Variants in FGD4 observed in about 807,000 individuals in gnomAD.
The protein encoded by FGD4 is FYVE, RhoGEF and PH domain-containing protein 4.
FGD4 carries 42 observed loss-of-function variants against 102.0 expected under a neutral mutation model. That is an observed-to-expected ratio of 0.41 (90% CI 0.32 to 0.53). FGD4 has a LOEUF of 0.53. Ranked by LOEUF, FGD4 falls within the 20% of genes least tolerant of loss-of-function variation. The probability of loss-of-function intolerance (pLI) is 0.21; values close to 1 mark genes in which losing one functional copy is unlikely to be tolerated. For missense variants in FGD4, 902 were observed against 1,078.2 expected (o/e 0.84, Z 2.29); for synonymous variants, 380 against 375.7 (o/e 1.01, Z -0.13).
At chr12:32,404,466 C>A (rs75533867) in intron 1 of FGD4, among the ~76,000 whole-genome samples, 9,524 of 151,902 alleles carry the variant, frequency 0.063, 426 homozygotes, top group Middle Eastern at 0.14. Flanking sequence ...TATAACAACC[C>A]TGAAAAAATA....
intron 1 of FGD4, among the ~76,000 whole-genome samples, chr12:32,413,379 G>C (rs1249991929): frequency 2.6e-5 from 4 of 152,142 alleles, no homozygotes; most frequent in Admixed American, 2.6e-4. Flanking sequence ...ACATTTACGT[G>C]CTGTGTAAAT....
intron 1 of FGD4, among the ~76,000 whole-genome samples, chr12:32,404,648 A>G (rs533197885): frequency 3.7e-4 from 57 of 152,174 alleles, no homozygotes; most frequent in Non-Finnish European, 6.3e-4. Context: ...GAGTGGCCCA[A>G]CGTAAAGCAA....
chr12:32,636,943 T>C (rs1307647050), intron 15 of FGD4, among the ~76,000 whole-genome samples: 3 of 150,460 alleles, frequency 2.0e-5, no homozygotes, highest in Non-Finnish European at 4.4e-5. Flanking sequence ...CGATCTCAGC[T>C]CACTGCAATC....
In FGD4 at chr12:32,633,697, A is replaced by T; in HGVS notation, c.2313+8A>T. ...AGAAAAGGAATTTTAGAGGTAAGAAATATTAAATATTGGATATCTTTTAGA... is the reference window on the plus strand; with the variant it reads ...AGAAAAGGAATTTTAGAGGTAAGAATTATTAAATATTGGATATCTTTTAGA... On this transcript the variant is annotated splice_region_variant and intron_variant, in intron 15 of 16. Coordinates refer to ENST00000534526, the MANE Select transcript of FGD4 (RefSeq NM_001370298.3). The T allele has an allele frequency of 1.3e-6, 2 of 1,581,240 alleles. No individual in the cohort carries two copies. The highest frequency in any genetic ancestry group is 1.3e-5 in the African/African-American group (1 of 74,384).
intron 1 of FGD4, among the ~76,000 whole-genome samples, chr12:32,512,680 G>A (rs1015301810): frequency 6.6e-6 from 1 of 152,148 alleles, no homozygotes; most frequent in African/African-American, 2.4e-5. Flanking sequence ...AGAGTTGATT[G>A]GAGACAGGCT....
At chr12:32,471,474 A>C (rs2136519447) in intron 1 of FGD4, among the ~76,000 whole-genome samples, 1 of 152,350 alleles carries the variant, frequency 6.6e-6, no homozygotes, top group Admixed American at 6.5e-5. Context: ...TGAATTGATC[A>C]TAGGTATAAT....
chr12:32,596,363 G>A (rs1360486927), intron 4 of FGD4, among the ~76,000 whole-genome samples: 1 of 152,138 alleles, frequency 6.6e-6, no homozygotes, highest in Non-Finnish European at 1.5e-5. Context: ...AAAGAAGAAA[G>A]GTTTAGAGAT....
At position 32,553,855 on chromosome 12, in the gene FGD4, G is replaced by A. The variant is rs182651643; in HGVS notation, c.167-10282G>A. ...CATGGTGGCTTATGCCTGTAATTCC[G>A]TAACTTTGGGAGGCTGAGGCAGGAG... On this transcript the variant is annotated intron_variant, in intron 1 of 16. Transcript: ENST00000534526. Among the ~76,000 whole-genome samples, 597 of 152,238 alleles carry A rather than the reference G, an allele frequency of 3.9e-3. 7 individuals are homozygous for A. The highest frequency in any genetic ancestry group is 0.014 in the African/African-American group (565 of 41,544).
intron 1 of FGD4, among the ~76,000 whole-genome samples, chr12:32,403,692 G>A (rs1940790585): frequency 1.4e-5 from 2 of 146,312 alleles, no homozygotes; most frequent in South Asian, 4.3e-4. Flanking sequence ...CGCCATCTGG[G>A]CTGAAGTGAT....
At chr12:32,504,940 A>G (rs1384633875) in intron 1 of FGD4, among the ~76,000 whole-genome samples, 1 of 152,172 alleles carries the variant, frequency 6.6e-6, no homozygotes, top group Admixed American at 6.5e-5. Flanking sequence ...TTTTCATACT[A>G]TGTTTTGTGG....
intron 1 of FGD4, among the ~76,000 whole-genome samples, chr12:32,464,171 G>A (rs1193113218): frequency 6.6e-6 from 1 of 151,968 alleles, no homozygotes; most frequent in East Asian, 1.9e-4. Flanking sequence ...TTGTTTGTTT[G>A]AGACAGAATC....
intron 1 of FGD4, among the ~76,000 whole-genome samples, chr12:32,448,333 A>G (rs1459523470): frequency 1.3e-5 from 2 of 152,122 alleles, no homozygotes; most frequent in African/African-American, 4.8e-5. Context: ...TGTCTGAGCA[A>G]ATGGAGCAGA....
At chr12:32,408,317 T>C (rs1373895241) in intron 1 of FGD4, among the ~76,000 whole-genome samples, 1 of 152,042 alleles carries the variant, frequency 6.6e-6, no homozygotes, top group Non-Finnish European at 1.5e-5. Flanking sequence ...TACAGGCATG[T>C]GCCACCATAC....
At chr12:32,602,616 G>A (rs1048312667) in intron 7 of FGD4, among the ~76,000 whole-genome samples, 2 of 152,202 alleles carry the variant, frequency 1.3e-5, no homozygotes, top group Non-Finnish European at 1.5e-5. Flanking sequence ...CATTCTTTCA[G>A]AGGTTAAGTT....
chr12:32,491,706 A>G (rs1484252454), intron 1 of FGD4, among the ~76,000 whole-genome samples: 1 of 152,188 alleles, frequency 6.6e-6, no homozygotes, highest in African/African-American at 2.4e-5. Context: ...CATCATGAAC[A>G]TTGTGGGCTA....
intron 1 of FGD4, among the ~76,000 whole-genome samples, chr12:32,498,207 G>A (rs1268651637): frequency 6.6e-6 from 1 of 152,220 alleles, no homozygotes; most frequent in Admixed American, 6.5e-5. Flanking sequence ...CCAACTCACA[G>A]GGGTGCTGTC....
chr12:32,437,241 A>T (rs1272375187), intron 1 of FGD4, among the ~76,000 whole-genome samples: 1 of 152,210 alleles, frequency 6.6e-6, no homozygotes, highest in African/African-American at 2.4e-5. Flanking sequence ...TACAAAACAT[A>T]GGATGACTTC....
At chr12:32,486,869 T>G (rs1943918718) in intron 1 of FGD4, among the ~76,000 whole-genome samples, 1 of 152,138 alleles carries the variant, frequency 6.6e-6, no homozygotes, top group Admixed American at 6.5e-5. Flanking sequence ...TTTTGTTCAG[T>G]AGGAAGGAGA....
At chr12:32,587,185 CTCAAAAAAA>C (rs1947114534) in intron 4 of FGD4, among the ~76,000 whole-genome samples, 1 of 93,284 alleles carries the variant, frequency 1.1e-5, no homozygotes, top group African/African-American at 5.6e-5. Context: ...GTGAGACTCT[CTCAAAAAAA>C]AAAAAAAAAA....
Sources: gnomAD v4.1 joint callset for allele counts (sites outside exome capture counted in the v4.1 genomes callset) on GRCh38, gnomAD v4.1.1 for gene constraint, MANE v1.5 for transcripts, NCBI Gene and HGNC (gene_info 2026-07-23, HGNC 2026-07-21) for gene names.